The following ASTN2 variants were observed in gnomAD, a reference collection of about 807,000 sequenced individuals.
ASTN2 encodes the protein astrotactin-2.
ASTN2 carries 54 observed loss-of-function variants against 139.8 expected under a neutral mutation model. The ratio of observed to expected loss-of-function variants is 0.39; its 90% CI spans 0.31 to 0.48. The LOEUF (loss-of-function observed/expected upper bound fraction) is 0.48. Among genes scored for constraint, ASTN2 ranks in the 20% least tolerant of loss-of-function variants. The probability of loss-of-function intolerance (pLI) is 0.95; values close to 1 mark genes in which losing one functional copy is unlikely to be tolerated. For missense variants in ASTN2, 1,565 were observed against 1,725.1 expected, an observed-to-expected ratio of 0.91 and a Z score of 1.64; for synonymous variants, 756 against 719.5, an observed-to-expected ratio of 1.05 and a Z score of -0.81.
chr9:116,977,284 CCT>C (rs535816913), intron 7 of ASTN2, among the ~76,000 whole-genome samples: 36 of 152,174 alleles, frequency 2.4e-4, no homozygotes, highest in Non-Finnish European at 4.9e-4. Context: ...TTCAGAAAAA[CCT>C]GTCTGTAGTC....
chr9:117,103,035 T>A (rs528868879), intron 4 of ASTN2, among the ~76,000 whole-genome samples: 1 of 152,030 alleles, frequency 6.6e-6, no homozygotes, highest in African/African-American at 2.4e-5. Context: ...ACCTCTGGAG[T>A]CCTAGCCCAG....
At chr9:116,518,018 T>C (rs1362010405) in intron 19 of ASTN2, among the ~76,000 whole-genome samples, 3 of 152,044 alleles carry the variant, frequency 2.0e-5, no homozygotes, top group African/African-American at 4.8e-5. Context: ...ATGCTAAACA[T>C]CCAAACTTAA....
chr9:116,432,896 C>T (rs917937237), intron 22 of ASTN2, among the ~76,000 whole-genome samples: 1 of 151,552 alleles, frequency 6.6e-6, no homozygotes. Flanking sequence ...CACCACTGCA[C>T]TCCAGCCTGG....
rs1201219003 is a variant in ASTN2 at position 116,467,043 on chromosome 9, G to C, written c.3497+20316C>G. Among the ~76,000 whole-genome samples, 3 of 152,188 alleles carry C rather than the reference G, an allele frequency of 2.0e-5. No homozygotes were observed. In the South Asian group the frequency reaches 6.2e-4, roughly 32 times the overall value. ...TGTTCCTGCCTCTCACCAGAGGAGT[G>C]GTGACATCAGCCAAGCAAGGCAGCA... On this transcript the variant is annotated intron_variant, in intron 20 of 22. Coordinates refer to ENST00000313400, the MANE Select transcript of ASTN2 (RefSeq NM_001365068.1).
At chr9:116,748,465 T>C (rs965211616) in intron 13 of ASTN2, among the ~76,000 whole-genome samples, 5 of 152,204 alleles carry the variant, frequency 3.3e-5, no homozygotes, top group African/African-American at 9.6e-5. Flanking sequence ...CAGAAGCCCA[T>C]ATCCCTGTAA....
chr9:117,286,233 C>CA (rs1286103565), intron 2 of ASTN2, among the ~76,000 whole-genome samples: 1 of 151,370 alleles, frequency 6.6e-6, no homozygotes, highest in Non-Finnish European at 1.5e-5. Flanking sequence ...GCAATGGCAA[C>CA]AAAAAGCAAA....
chr9:116,651,082 A>T (rs1399511167), intron 17 of ASTN2, among the ~76,000 whole-genome samples: 1 of 136,450 alleles, frequency 7.3e-6, no homozygotes, highest in East Asian at 2.2e-4. Context: ...ACACCTGGCG[A>T]ATCTTTGTGT....
At chr9:116,707,118 A>C (rs1828009553) in intron 16 of ASTN2, among the ~76,000 whole-genome samples, 1 of 151,690 alleles carries the variant, frequency 6.6e-6, no homozygotes, top group Admixed American at 6.6e-5. Flanking sequence ...ACTCAAAAGA[A>C]ACAGTCATAC....
intron 12 of ASTN2, among the ~76,000 whole-genome samples, chr9:116,818,265 C>T (rs1831391068): frequency 6.6e-6 from 1 of 152,178 alleles, no homozygotes; most frequent in South Asian, 2.1e-4. Flanking sequence ...GGTCATAGAG[C>T]TTTGAGCAAG....
chr9:117,193,021 TG>T (rs1305825422), intron 3 of ASTN2, among the ~76,000 whole-genome samples: 2 of 152,212 alleles, frequency 1.3e-5, no homozygotes, highest in African/African-American at 4.8e-5. Context: ...TATTTTGCTA[TG>T]TATGTCTACA....
intron 7 of ASTN2, among the ~76,000 whole-genome samples, chr9:116,980,464 T>G (rs1236043593): frequency 6.6e-6 from 1 of 152,130 alleles, no homozygotes; most frequent in Non-Finnish European, 1.5e-5. Flanking sequence ...ATGTTTACAT[T>G]TAGACAAAAC....
chr9:117,277,469 T>C (rs1834221288), intron 2 of ASTN2, among the ~76,000 whole-genome samples: 1 of 152,214 alleles, frequency 6.6e-6, no homozygotes, highest in Admixed American at 6.5e-5. Context: ...CTTGGTGCCC[T>C]GTTAGTGGGA....
At chr9:116,479,929 T>C (rs1020773656) in intron 20 of ASTN2, among the ~76,000 whole-genome samples, 3 of 152,220 alleles carry the variant, frequency 2.0e-5, no homozygotes, top group African/African-American at 7.2e-5. Flanking sequence ...CTGCCTCTAC[T>C]TACTAGCTTT....
At chr9:116,760,396 C>A (rs1348776368) in intron 13 of ASTN2, among the ~76,000 whole-genome samples, 1 of 152,192 alleles carries the variant, frequency 6.6e-6, no homozygotes, top group Non-Finnish European at 1.5e-5. Flanking sequence ...TGATAACACC[C>A]ATCTTTGAGG....
chr9:117,381,896 G>A (rs1444550987), intron 1 of ASTN2, among the ~76,000 whole-genome samples: 1 of 152,178 alleles, frequency 6.6e-6, no homozygotes, highest in Non-Finnish European at 1.5e-5. Flanking sequence ...AATAAGGATA[G>A]TGTTCTGGTC....
At chr9:116,499,255 T>C (rs1849774610) in intron 19 of ASTN2, among the ~76,000 whole-genome samples, 1 of 152,186 alleles carries the variant, frequency 6.6e-6, no homozygotes, top group African/African-American at 2.4e-5. Flanking sequence ...TTGTTCATGA[T>C]TTCCCCAGTG....
intron 11 of ASTN2, 76 bp downstream of exon 11, chr9:116,863,507 C>T: frequency 6.4e-7 from 1 of 1,554,954 alleles, no homozygotes; most frequent in East Asian, 2.3e-5. Context: ...CCAGCGTTCC[C>T]TCGCAGGGCA....
chr9:116,635,860 C>G (rs1279894404), intron 17 of ASTN2, among the ~76,000 whole-genome samples: 1 of 152,130 alleles, frequency 6.6e-6, no homozygotes, highest in Non-Finnish European at 1.5e-5. Flanking sequence ...AGTTTTGAGA[C>G]AAAAACTTTG....
chr9:117,064,453 C>T (rs929291139), intron 5 of ASTN2, among the ~76,000 whole-genome samples: 3 of 152,200 alleles, frequency 2.0e-5, no homozygotes, highest in Non-Finnish European at 4.4e-5. Flanking sequence ...GACCCAACAT[C>T]ACCCAATGTT....
Sources: allele counts gnomAD v4.1 joint callset (sites outside exome capture counted in the v4.1 genomes callset), GRCh38; gene constraint gnomAD v4.1.1; transcripts MANE v1.5; gene names NCBI Gene and HGNC (gene_info 2026-07-23, HGNC 2026-07-21).